FOCAD: variants seen among roughly 807,000 people sequenced by gnomAD.
The protein encoded by FOCAD is KIAA1797.
FOCAD carries 198 observed loss-of-function variants against 225.6 expected under a neutral mutation model. The ratio of observed to expected loss-of-function variants is 0.88; its 90% CI spans 0.78 to 0.99. The LOEUF (loss-of-function observed/expected upper bound fraction) is 0.99. Among genes scored for constraint, FOCAD ranks in the 50% least tolerant of loss-of-function variants. FOCAD has a pLI of 0.00. For synonymous variants in FOCAD, 897 were observed against 755.0 expected (o/e 1.19, Z -3.08); for missense variants, 2,713 against 2,123.6 (o/e 1.28, Z -5.46).
intron 5 of FOCAD, among the ~76,000 whole-genome samples, chr9:20,755,297 AT>A (rs1318531221): frequency 2.0e-5 from 3 of 152,294 alleles, no homozygotes; most frequent in African/African-American, 7.2e-5. Flanking sequence ...CATTTTTTGA[AT>A]TTAGGTCTGA....
At chr9:20,719,934 G>A (rs1227015949) in intron 3 of FOCAD, among the ~76,000 whole-genome samples, 1 of 152,086 alleles carries the variant, frequency 6.6e-6, no homozygotes, top group Non-Finnish European at 1.5e-5. Context: ...GGTGATAGAG[G>A]TTGGTAGTAG....
At chr9:20,873,141 G>T (rs771828358) in intron 18 of FOCAD, among the ~76,000 whole-genome samples, 1 of 152,060 alleles carries the variant, frequency 6.6e-6, no homozygotes, top group Non-Finnish European at 1.5e-5. Flanking sequence ...TTGTATGCAA[G>T]CTTTTGCATG....
chr9:20,881,835 T>G, intron 19 of FOCAD, 36 bp from the exon 20 acceptor site: 1 of 1,591,002 alleles, frequency 6.3e-7, no homozygotes, highest in South Asian at 1.1e-5. Context: ...CTTATTGTAT[T>G]TACTCTACTT....
intron 15 of FOCAD, among the ~76,000 whole-genome samples, chr9:20,850,112 A>G (rs1827502609): frequency 6.6e-6 from 1 of 151,814 alleles, no homozygotes; most frequent in African/African-American, 2.4e-5. Context: ...GCAACTCAAA[A>G]TTTAAAAAAA....
rs750983131 is a variant in FOCAD, at chr9:20,976,420, GTCCTGAATCTGTGCC to G, written c.4138_4152del (p.Glu1380_Pro1384del). On this transcript the variant is annotated inframe_deletion and splice_region_variant, in exon 36 of 44. Transcript: ENST00000338382. ...TATTATTTTTCACTGTCTGTTATAG[GTCCTGAATCTGTGCC>G]TCCTTCCCTTCTTAAAGTAGTGATG... 6 of 1,612,550 alleles carry G rather than the reference GTCCTGAATCTGTGCC, an allele frequency of 3.7e-6. No homozygotes were observed. In the African/African-American group the frequency reaches 8.0e-5, roughly 22 times the overall value.
intron 15 of FOCAD, among the ~76,000 whole-genome samples, chr9:20,861,511 G>A (rs1828769776): frequency 6.6e-6 from 1 of 152,164 alleles, no homozygotes; most frequent in Non-Finnish European, 1.5e-5. Context: ...TTATTCTACT[G>A]TTTCACAGGA....
At chr9:20,746,838 A>G (rs1828076246) in intron 5 of FOCAD, among the ~76,000 whole-genome samples, 3 of 152,076 alleles carry the variant, frequency 2.0e-5, no homozygotes, top group African/African-American at 7.2e-5. Flanking sequence ...TTTGGTTGCC[A>G]TACCTTTTTA....
At chr9:20,924,574 A>C (rs1481237912) in intron 25 of FOCAD, among the ~76,000 whole-genome samples, 2 of 152,202 alleles carry the variant, frequency 1.3e-5, no homozygotes, top group African/African-American at 4.8e-5. Flanking sequence ...TATTAATAAT[A>C]ACCATTCAAA....
In FOCAD at chr9:20,915,613, A is replaced by T. The variant is rs181107963; in HGVS notation, c.2808-1280A>T. On this transcript the variant is annotated intron_variant, in intron 23 of 43. Coordinates refer to ENST00000338382, the MANE Select transcript of FOCAD (RefSeq NM_001375567.1). ...GGATCTAGAGAGAGTGGAAGGAAAT[A>T]ACGAGAGTCATCAAGCATAATCTTT... 2.0e-5 allele frequency among the ~76,000 whole-genome samples: 3 copies of T among 152,308 alleles called. No homozygotes were observed. In the East Asian group the frequency reaches 5.8e-4, roughly 29 times the overall value.
intron 35 of FOCAD, among the ~76,000 whole-genome samples, chr9:20,958,423 ATAAT>A (rs1172264170): frequency 6.6e-6 from 1 of 152,012 alleles, no homozygotes; most frequent in African/African-American, 2.4e-5. Flanking sequence ...TAATTGATGA[ATAAT>A]TATACATATT....
chr9:20,888,982 A>C (rs1319089892), intron 21 of FOCAD, among the ~76,000 whole-genome samples: 1 of 152,212 alleles, frequency 6.6e-6, no homozygotes, highest in Non-Finnish European at 1.5e-5. Flanking sequence ...ACAAGGTGTG[A>C]TACATATACC....
chr9:20,915,427 A>G (rs1007085170), intron 23 of FOCAD, among the ~76,000 whole-genome samples: 1 of 152,176 alleles, frequency 6.6e-6, no homozygotes, highest in African/African-American at 2.4e-5. Flanking sequence ...CCAAGGAAAG[A>G]AGGCATTCTA....
intron 2 of FOCAD, among the ~76,000 whole-genome samples, chr9:20,671,296 A>G (rs1822056351): frequency 6.6e-6 from 1 of 152,172 alleles, no homozygotes; most frequent in Non-Finnish European, 1.5e-5. Flanking sequence ...CCTTAAAATA[A>G]AGAGGAAAAA....
intron 4 of FOCAD, among the ~76,000 whole-genome samples, chr9:20,739,492 A>T (rs1353066711): frequency 6.6e-6 from 1 of 152,042 alleles, no homozygotes; most frequent in Non-Finnish European, 1.5e-5. Context: ...AATCCCAGCT[A>T]CTTGGGAGGT....
upstream of FOCAD, among the ~76,000 whole-genome samples, chr9:20,656,793 G>A (rs192647228): frequency 3.1e-4 from 47 of 152,156 alleles, no homozygotes; most frequent in Admixed American, 1.8e-3. Context: ...AGTTAATAGC[G>A]TTATGTGTGA....
chr9:20,954,214 A>G (rs1221367573), intron 35 of FOCAD, among the ~76,000 whole-genome samples: 2 of 152,296 alleles, frequency 1.3e-5, no homozygotes, highest in East Asian at 1.9e-4. Context: ...ATTACACGTA[A>G]TGTACAGTTA....
chr9:20,862,695 A>C lies in FOCAD; in HGVS notation c.2038A>C (p.Asn680His). ...TTCTCTAGTTCCTTCCTTAACGGTC[A>C]ATACAACTGAATATGAGGTATGCAT... ...LFSLVPSLTV[N>H]TTEYENFKVQ... The change falls in exon 16 of 44, where the codon AAT becomes CAT. Residue 680 changes from asparagine (N) to histidine (H), a missense_variant. By Grantham distance (68) the Asn-to-His change is moderately conservative. Coordinates refer to ENST00000338382, the MANE Select transcript of FOCAD (RefSeq NM_001375567.1). The C allele has an allele frequency of 6.2e-7, 1 of 1,612,328 alleles. No homozygotes were observed. Among genetic ancestry groups the C allele is most frequent in the Non-Finnish European group, 8.5e-7 (1 of 1,179,116 alleles).
At chr9:20,679,141 G>C (rs112004965) in intron 2 of FOCAD, among the ~76,000 whole-genome samples, 3 of 141,862 alleles carry the variant, frequency 2.1e-5, no homozygotes, top group Non-Finnish European at 4.5e-5. Context: ...GTGTGTGTGT[G>C]TGTGTGTGTG....
chr9:20,904,533 C>T (rs931916754), intron 21 of FOCAD, among the ~76,000 whole-genome samples: 1 of 151,938 alleles, frequency 6.6e-6, no homozygotes, highest in Admixed American at 6.6e-5. Flanking sequence ...TGTATATACT[C>T]CTATTGTGGG....
Sources: gnomAD v4.1 joint callset for allele counts (sites outside exome capture counted in the v4.1 genomes callset) on GRCh38, gnomAD v4.1.1 for gene constraint, MANE v1.5 for transcripts, NCBI Gene and HGNC (gene_info 2026-07-23, HGNC 2026-07-21) for gene names.